The following CCDC85A variants were observed in gnomAD, a reference collection of about 807,000 sequenced individuals.
CCDC85A encodes the protein coiled-coil domain-containing protein 85A.
A neutral mutation model predicts 50.2 loss-of-function variants in CCDC85A; 38 were observed. The observed-to-expected ratio is 0.76, with a 90% CI of 0.58 to 0.99. The LOEUF (loss-of-function observed/expected upper bound fraction) is 0.99, where lower values mean the gene tolerates loss of function less well. Ranked by LOEUF, CCDC85A falls within the 50% of genes least tolerant of loss-of-function variation. CCDC85A has a pLI of 0.00. For synonymous variants in CCDC85A, 366 were observed against 301.4 expected (o/e 1.21, Z -2.22); for missense variants, 820 against 742.0 (o/e 1.11, Z -1.22).
intron 5 of CCDC85A, among the ~76,000 whole-genome samples, chr2:56,378,286 T>TA (rs1307255312): frequency 6.9e-6 from 1 of 144,100 alleles, no homozygotes; most frequent in Non-Finnish European, 1.5e-5. Flanking sequence ...CTAGGCTTTA[T>TA]AAAATCTGTG....
intron 2 of CCDC85A, among the ~76,000 whole-genome samples, chr2:56,280,585 A>G (rs1177725507): frequency 6.6e-6 from 1 of 152,142 alleles, no homozygotes; most frequent in African/African-American, 2.4e-5. Context: ...CATCAAATCC[A>G]ACACTCCAAA....
chr2:56,205,386 G>A (rs1398562692), intron 2 of CCDC85A, among the ~76,000 whole-genome samples: 3 of 150,814 alleles, frequency 2.0e-5, no homozygotes, highest in African/African-American at 7.4e-5. Context: ...GAACTAGTTT[G>A]GAGTAAGGCT....
At chr2:56,248,749 C>T (rs1383240381) in intron 2 of CCDC85A, among the ~76,000 whole-genome samples, 1 of 152,138 alleles carries the variant, frequency 6.6e-6, no homozygotes, top group Admixed American at 6.5e-5. Flanking sequence ...CTGAGTGCCA[C>T]CTACATGATT....
chr2:56,375,912 G>T lies in CCDC85A; in HGVS notation c.1549G>T (p.Glu517Ter), dbSNP rs755062480. ...ACATGCCACACCTTCCCAGCAGCCT[G>T]AACCTGTGGTACATTCTCTTAAGGT... ...SGHATPSQQP[E>*]PVVHSLKVVW... Residue 517 changes from glutamate to a stop codon, truncating the protein, a stop_gained, in exon 5 of 6, where the codon GAA becomes TAA. Coordinates refer to ENST00000407595, the MANE Select transcript of CCDC85A (RefSeq NM_001080433.2). LOFTEE classifies it high-confidence loss of function. 9 of 1,613,790 alleles carry T rather than the reference G, an allele frequency of 5.6e-6. No homozygotes were observed. The Admixed American group carries it at 1.2e-4, about 21-fold the overall frequency.
chr2:56,184,645 CGCGGCGGCGGCT>C lies in CCDC85A; in HGVS notation c.33_44del (p.Ala12_Ala15del), dbSNP rs746236415. On this transcript the variant is annotated inframe_deletion, in exon 1 of 6. Transcript: ENST00000407595. Reference sequence around the variant, plus strand: ...ATACCATGTCGAAGGCGGCCGGAGGCGCGGCGGCGGCTGCGGCGGCGGCGGAAAGTTGTTCCC... The same window carrying C: ...ATACCATGTCGAAGGCGGCCGGAGGCGCGGCGGCGGCGGAAAGTTGTTCCC... 44 of 1,438,084 alleles carry C rather than the reference CGCGGCGGCGGCT, an allele frequency of 3.1e-5. No individual in the cohort carries two copies. The highest frequency in any genetic ancestry group is 1.5e-4 in the South Asian group (10 of 67,018). 89.1% of individuals were successfully genotyped at this position (1,438,084 alleles called of 1,614,324 possible). A position where few individuals can be genotyped will look rare whatever the true frequency, so the allele number is the denominator to read the frequency against.
chr2:56,232,654 T>A (rs1668823604), intron 2 of CCDC85A, among the ~76,000 whole-genome samples: 2 of 152,046 alleles, frequency 1.3e-5, no homozygotes, highest in South Asian at 2.1e-4. Flanking sequence ...GAACTGTGAG[T>A]CAATTAAACC....
chr2:56,338,502 A>G (rs1157396931), intron 2 of CCDC85A, among the ~76,000 whole-genome samples: 1 of 152,158 alleles, frequency 6.6e-6, no homozygotes, highest in African/African-American at 2.4e-5. Flanking sequence ...TCCTCTCACC[A>G]TGAGAAGTTT....
At position 56,214,147 on chromosome 2, in the gene CCDC85A, C is replaced by A. The variant is rs539943976; in HGVS notation, c.1240+20707C>A. 1.6e-4 allele frequency among the ~76,000 whole-genome samples: 25 copies of A among 152,032 alleles called. 1 individual carries two copies. The highest frequency in any genetic ancestry group is 1.2e-3 in the South Asian group (6 of 4,828). On this transcript the variant is annotated intron_variant, in intron 2 of 5. Transcript: ENST00000407595. ...ATATAATATGTTAAGAGTATGAGAT[C>A]TGGGGCCAGACAAGGTTTGAATCCT...
intron 3 of CCDC85A, among the ~76,000 whole-genome samples, chr2:56,358,585 C>T (rs6739154): frequency 0.04 from 6,136 of 152,126 alleles, 404 homozygotes; most frequent in African/African-American, 0.14. Context: ...TCACATCCTG[C>T]CATTGTAGTG....
chr2:56,360,182 C>T (rs976297506), intron 3 of CCDC85A, among the ~76,000 whole-genome samples: 4 of 152,184 alleles, frequency 2.6e-5, no homozygotes, highest in African/African-American at 2.4e-5. Flanking sequence ...TAACCAAATG[C>T]ATTCACAATG....
intron 2 of CCDC85A, among the ~76,000 whole-genome samples, chr2:56,209,977 A>G (rs572115681): frequency 6.6e-6 from 1 of 152,100 alleles, no homozygotes; most frequent in Non-Finnish European, 1.5e-5. Context: ...AAAACCCATT[A>G]GAGATACAGA....
rs570129410 is a variant in CCDC85A, at chr2:56,293,729, GA to G, written c.1241-49147del. 6.6e-3 allele frequency among the ~76,000 whole-genome samples: 1,012 copies of G among 152,266 alleles called. 11 individuals carry two copies. Among genetic ancestry groups the G allele is most frequent in the Non-Finnish European group, 0.011 (749 of 68,024 alleles). ...AAGCTCAACATCACTGATCATTAGA[GA>G]AATTCAAATCAAAACCACAATGAGA... On this transcript the variant is annotated intron_variant, in intron 2 of 5. Transcript: ENST00000407595.
At chr2:56,318,955 G>T (rs1025330628) in intron 2 of CCDC85A, among the ~76,000 whole-genome samples, 6 of 152,072 alleles carry the variant, frequency 3.9e-5, no homozygotes, top group African/African-American at 7.2e-5. Context: ...TCTGTGGGCT[G>T]CTATAGGTAG....
chr2:56,356,968 A>G (rs1003852648), intron 3 of CCDC85A, among the ~76,000 whole-genome samples: 1 of 151,564 alleles, frequency 6.6e-6, no homozygotes, highest in East Asian at 2.0e-4. Context: ...AGTCCCAGCT[A>G]TTCGGGAGGT....
intron 2 of CCDC85A, among the ~76,000 whole-genome samples, chr2:56,252,238 G>A (rs1240060776): frequency 6.6e-6 from 1 of 152,044 alleles, no homozygotes; most frequent in South Asian, 2.1e-4. Flanking sequence ...AGTAGAGACA[G>A]GGTTTCCCTG....
At chr2:56,347,189 C>T (rs528268777) in intron 3 of CCDC85A, among the ~76,000 whole-genome samples, 40 of 152,224 alleles carry the variant, frequency 2.6e-4, no homozygotes, top group South Asian at 1.0e-3. Context: ...CTGGATAGAA[C>T]CTTATGTGTC....
At chr2:56,346,363 C>T (rs1428203932) in intron 3 of CCDC85A, among the ~76,000 whole-genome samples, 1 of 152,122 alleles carries the variant, frequency 6.6e-6, no homozygotes, top group Non-Finnish European at 1.5e-5. Flanking sequence ...AGGCTTGGGC[C>T]CATGTTTTAT....
At chr2:56,197,702 T>C (rs1676583009) in intron 2 of CCDC85A, among the ~76,000 whole-genome samples, 1 of 152,182 alleles carries the variant, frequency 6.6e-6, no homozygotes, top group South Asian at 2.1e-4. Context: ...TTTCCTTTGC[T>C]TAACTCCAGG....
At position 56,282,128 on chromosome 2, in the gene CCDC85A, GT is replaced by G. The variant is rs904393924; in HGVS notation, c.1241-60741del. Among the ~76,000 whole-genome samples, 107 of 147,370 alleles carry G rather than the reference GT, an allele frequency of 7.3e-4. 1 individual carries two copies. In the East Asian group the frequency reaches 0.016, roughly 22 times the overall value. ...CTAACATGTGAGGAAAATTTTGAGA[GT>G]TTTTTTTTTATGGATATCGAGGTAC... On this transcript the variant is annotated intron_variant, in intron 2 of 5. Transcript: ENST00000407595.
Sources: gnomAD v4.1 joint callset for allele counts (sites outside exome capture counted in the v4.1 genomes callset) on GRCh38, gnomAD v4.1.1 for gene constraint, MANE v1.5 for transcripts, NCBI Gene and HGNC (gene_info 2026-07-23, HGNC 2026-07-21) for gene names.